TBC1D1: variants seen among roughly 807,000 people sequenced by gnomAD.
TBC1D1 encodes the protein TBC1 (tre-2/USP6, BUB2, cdc16) domain family, member 1.
Under a neutral mutation model 125.6 loss-of-function variants are expected in TBC1D1, and 89 were observed. The ratio of observed to expected loss-of-function variants is 0.71; its 90% confidence interval spans 0.60 to 0.85. The LOEUF is 0.85. Ranked by LOEUF, TBC1D1 falls within the 40% of genes least tolerant of loss-of-function variation. The pLI, the probability that TBC1D1 is intolerant of heterozygous loss-of-function variation, is 0.00. For missense variants in TBC1D1, 1,377 were observed against 1,469.2 expected, an observed-to-expected ratio of 0.94 and a Z score of 1.03; for synonymous variants, 565 against 564.1, an observed-to-expected ratio of 1.00 and a Z score of -0.02.
intron 2 of TBC1D1, among the ~76,000 whole-genome samples, chr4:38,000,220 A>G (rs1738750236): frequency 6.6e-6 from 1 of 152,130 alleles, no homozygotes; most frequent in South Asian, 2.1e-4. Context: ...GGTGGTGGTG[A>G]TTGTATTTTT....
rs1162245343 is a variant in TBC1D1 at position 38,009,703 on chromosome 4, T to A, written c.418-4806T>A. On this transcript the variant is annotated intron_variant, in intron 2 of 19. Coordinates refer to ENST00000261439, the MANE Select transcript of TBC1D1 (RefSeq NM_015173.4). ...ACTTCATACATTACTGTGCATTTGT[T>A]AGTATGTGAACAAAGAAACTTGTTT... Among the ~76,000 whole-genome samples, 6 of 152,240 alleles carry A rather than the reference T, an allele frequency of 3.9e-5. No homozygotes were observed. In the East Asian group the frequency reaches 1.2e-3, roughly 29 times the overall value.
At chr4:37,918,234 T>C (rs1720124868) in intron 2 of TBC1D1, among the ~76,000 whole-genome samples, 1 of 152,216 alleles carries the variant, frequency 6.6e-6, no homozygotes, top group South Asian at 2.1e-4. Flanking sequence ...TATCTCAGAC[T>C]GCTCATGATA....
intron 2 of TBC1D1, among the ~76,000 whole-genome samples, chr4:37,973,065 C>A (rs1732383579): frequency 6.6e-6 from 1 of 152,148 alleles, no homozygotes; most frequent in African/African-American, 2.4e-5. Context: ...AGAGCTGTCA[C>A]GTATATTTCT....
At chr4:37,987,038 G>T (rs1735617851) in intron 2 of TBC1D1, among the ~76,000 whole-genome samples, 3 of 152,306 alleles carry the variant, frequency 2.0e-5, no homozygotes, top group Middle Eastern at 6.8e-3. Context: ...TTCCCGGAAG[G>T]CATCCTCTGG....
At chr4:38,126,060 G>A (rs1377578812) in intron 18 of TBC1D1, among the ~76,000 whole-genome samples, 1 of 152,172 alleles carries the variant, frequency 6.6e-6, no homozygotes, top group African/African-American at 2.4e-5. Context: ...TTCATAAAGT[G>A]TACTTAAACC....
intron 12 of TBC1D1, among the ~76,000 whole-genome samples, chr4:38,065,589 G>A (rs758636124): frequency 3.4e-4 from 52 of 151,078 alleles, no homozygotes; most frequent in Non-Finnish European, 6.6e-4. Context: ...CATGTATTAA[G>A]CATTTTGTGT....
At chr4:38,063,749 G>A (rs754057823) in intron 12 of TBC1D1, among the ~76,000 whole-genome samples, 35 of 151,624 alleles carry the variant, frequency 2.3e-4, no homozygotes, top group Non-Finnish European at 2.5e-4. Context: ...ATGCCTCAGC[G>A]ACCTGAGTAG....
At chr4:37,961,730 G>A (rs1193230264) in intron 2 of TBC1D1, among the ~76,000 whole-genome samples, 1 of 152,130 alleles carries the variant, frequency 6.6e-6, no homozygotes, top group Non-Finnish European at 1.5e-5. Context: ...AAAGTGAGTG[G>A]TGGTTATGTC....
At chr4:38,102,880 C>CAA (rs57043774) in intron 14 of TBC1D1, 119 bp from the exon 17 acceptor site, 1,863 of 969,814 alleles carry the variant, frequency 1.9e-3, no homozygotes, top group African/African-American at 2.2e-3. Flanking sequence ...GACTCTGTCT[C>CAA]AAAAAAAAAA....
chr4:37,995,614 C>T lies in TBC1D1; in HGVS notation c.418-18895C>T. On this transcript the variant is annotated intron_variant, in intron 2 of 19. Coordinates refer to ENST00000261439, the MANE Select transcript of TBC1D1 (RefSeq NM_015173.4). The surrounding 1 kb of genome is among the most constrained non-coding windows in gnomAD (Gnocchi z 4.3). ...GTCCAGTACCCTGGCCTTGACCTCCCCATAGGCTGTCTTATCTCACTTTTG... is the reference window on the plus strand; with the variant it reads ...GTCCAGTACCCTGGCCTTGACCTCCTCATAGGCTGTCTTATCTCACTTTTG... The T allele has an allele frequency of 2.0e-6, 1 of 489,616 alleles. No individual in the cohort carries two copies. Among genetic ancestry groups the T allele is most frequent in the South Asian group, 1.5e-5 (1 of 65,312 alleles). 30.3% of individuals were successfully genotyped at this position (489,616 alleles called of 1,614,324 possible).
intron 2 of TBC1D1, among the ~76,000 whole-genome samples, chr4:37,934,728 G>T (rs1490706488): frequency 6.6e-6 from 1 of 152,112 alleles, no homozygotes; most frequent in Non-Finnish European, 1.5e-5. Flanking sequence ...TTTCCCTGGG[G>T]ACCCTTCAGT....
chr4:37,906,623 G>T (rs1298080430), intron 2 of TBC1D1, among the ~76,000 whole-genome samples: 2 of 152,086 alleles, frequency 1.3e-5, no homozygotes, highest in Non-Finnish European at 2.9e-5. Flanking sequence ...CTCTGATAGG[G>T]GGTCTTTTCA....
At chr4:37,969,670 G>A (rs1451225034) in intron 2 of TBC1D1, among the ~76,000 whole-genome samples, 1 of 152,140 alleles carries the variant, frequency 6.6e-6, no homozygotes, top group African/African-American at 2.4e-5. Flanking sequence ...TTAAGTGTGG[G>A]ATCCATTATT....
chr4:38,052,746 A>G (rs963802693), intron 11 of TBC1D1, among the ~76,000 whole-genome samples: 19 of 149,384 alleles, frequency 1.3e-4, no homozygotes, highest in Non-Finnish European at 2.7e-4. Context: ...ACACACACAC[A>G]CACACACACA....
At chr4:38,099,542 T>C (rs1158003375) in intron 14 of TBC1D1, among the ~76,000 whole-genome samples, 2 of 152,238 alleles carry the variant, frequency 1.3e-5, no homozygotes, top group Non-Finnish European at 2.9e-5. Flanking sequence ...TATATGCTTA[T>C]TCTAGTTATG....
At chr4:38,028,383 C>T (rs546772228) in intron 7 of TBC1D1, among the ~76,000 whole-genome samples, 2 of 152,314 alleles carry the variant, frequency 1.3e-5, no homozygotes, top group East Asian at 3.9e-4. Context: ...TCAGGCTGTT[C>T]TCGAACTCCT....
At chr4:37,949,557 G>C (rs1296685513) in intron 2 of TBC1D1, among the ~76,000 whole-genome samples, 1 of 152,158 alleles carries the variant, frequency 6.6e-6, no homozygotes, top group African/African-American at 2.4e-5. Flanking sequence ...TCAGCCTGAG[G>C]CTTTCTCAGA....
chr4:38,136,468 C>T (rs557959594), intron 19 of TBC1D1, among the ~76,000 whole-genome samples: 40 of 152,242 alleles, frequency 2.6e-4, no homozygotes, highest in African/African-American at 9.4e-4. Context: ...GTAGTGATGT[C>T]TTGTTCCTCT....
chr4:37,959,120 C>G (rs1037315270), intron 2 of TBC1D1, among the ~76,000 whole-genome samples: 3 of 152,138 alleles, frequency 2.0e-5, no homozygotes, highest in African/African-American at 7.2e-5. Context: ...TTTGAGGTGG[C>G]CTTATGCAAA....
Sources: gnomAD v4.1 joint callset for allele counts (sites outside exome capture counted in the v4.1 genomes callset) on GRCh38, gnomAD v4.1.1 for gene constraint, Gnocchi (gnomAD v3.1) non-coding constraint, MANE v1.5 for transcripts, NCBI Gene and HGNC (gene_info 2026-07-23, HGNC 2026-07-21) for gene names.